IFT88: variants seen among roughly 807,000 people sequenced by gnomAD.
IFT88 encodes the protein intraflagellar transport protein 88 homolog.
In IFT88, 74 loss-of-function variants were observed where a neutral mutation model predicts 119.5. The ratio of observed to expected loss-of-function variants is 0.62; its 90% confidence interval spans 0.51 to 0.75. The LOEUF (loss-of-function observed/expected upper bound fraction) is 0.75, where lower values mean the gene tolerates loss of function less well. Ranked by LOEUF, IFT88 falls within the 30% of genes least tolerant of loss-of-function variation. IFT88 has a pLI of 0.00. For missense variants in IFT88, 961 were observed against 977.7 expected (o/e 0.98, Z 0.23); for synonymous variants, 279 against 316.7 (o/e 0.88, Z 1.26).
chr13:20,662,419 T>C lies in IFT88; in HGVS notation c.2069-1079T>C, dbSNP rs142304131. The stretch of plus-strand genomic sequence containing the variant: ...TTCCTTCTGAAACTATTCCAGTCAA[T>C]AGAAAAAGAGGGAATACTCCCTAAC... On this transcript the variant is annotated intron_variant, in intron 22 of 25. Coordinates refer to ENST00000351808, the MANE Select transcript of IFT88 (RefSeq NM_006531.5). Among the ~76,000 whole-genome samples, 702 of 152,074 alleles carry C rather than the reference T, an allele frequency of 4.6e-3. 4 individuals carry two copies. Among genetic ancestry groups the C allele is most frequent in the South Asian group, 0.013 (61 of 4,830 alleles).
At chr13:20,569,913 C>T (rs959524507) in intron 1 of IFT88, among the ~76,000 whole-genome samples, 4 of 151,536 alleles carry the variant, frequency 2.6e-5, no homozygotes, top group East Asian at 3.9e-4. Flanking sequence ...GGCTTGGTGG[C>T]GGGTGCCTGT....
intron 2 of IFT88, among the ~76,000 whole-genome samples, chr13:20,581,742 CCTAGGGAGACTGAGGTGGGA>C (rs2038701771): frequency 6.6e-6 from 1 of 151,464 alleles, no homozygotes; most frequent in Non-Finnish European, 1.5e-5. Flanking sequence ...AGTCCCAGCT[CCTAGGGAGACTGAGGTGGGA>C]CAATCACCTG....
At chr13:20,575,872 T>C (rs919305930) in intron 2 of IFT88, among the ~76,000 whole-genome samples, 24 of 152,348 alleles carry the variant, frequency 1.6e-4, no homozygotes, top group African/African-American at 5.5e-4. Flanking sequence ...TCTTTTCGTT[T>C]GAGTATATTC....
At chr13:20,657,963 T>G (rs1362024762) in intron 22 of IFT88, among the ~76,000 whole-genome samples, 1 of 152,182 alleles carries the variant, frequency 6.6e-6, no homozygotes, top group Non-Finnish European at 1.5e-5. Context: ...AGCAGTTAGC[T>G]CAGTTATGGT....
chr13:20,646,324 A>G (rs568587695), intron 20 of IFT88, among the ~76,000 whole-genome samples: 1 of 146,260 alleles, frequency 6.8e-6, no homozygotes, highest in African/African-American at 2.6e-5. Context: ...GAGACAGAGG[A>G]CGGAGTCTTG....
In IFT88 at chr13:20,606,914, T is replaced by G. The variant is rs182821250; in HGVS notation, c.1112+1809T>G. On this transcript the variant is annotated intron_variant, in intron 13 of 25. Coordinates refer to ENST00000351808, the MANE Select transcript of IFT88 (RefSeq NM_006531.5). ...AAATAAATAAATAAATAAAATAGTG[T>G]GAATAGCCCTATAAATCTTAAGGAC... Among the ~76,000 whole-genome samples the G allele has an allele frequency of 1.1e-4, 16 of 152,118 alleles. No homozygotes were observed. In the East Asian group the frequency reaches 3.1e-3, roughly 29 times the overall value.
rs184997195 is a variant in IFT88 at position 20,582,402 on chromosome 13, C to G, written c.91-555C>G. Among the ~76,000 whole-genome samples the G allele has an allele frequency of 4.6e-5, 7 of 152,024 alleles. No homozygotes were observed. The East Asian group carries it at 7.7e-4, about 17-fold the overall frequency. The stretch of plus-strand genomic sequence containing the variant: ...GCAGTGCAGGTTGGACTTGTTGAGC[C>G]CCCCCATTTGCTTAGATTAGCTCCA... On this transcript the variant is annotated intron_variant, in intron 2 of 25. Transcript: ENST00000351808.
At chr13:20,685,724 A>G (rs552921888) in intron 24 of IFT88, among the ~76,000 whole-genome samples, 7 of 152,202 alleles carry the variant, frequency 4.6e-5, no homozygotes, top group African/African-American at 1.7e-4. Flanking sequence ...TACTAAAAAT[A>G]CAGAAATTAA....
At chr13:20,577,980 G>A (rs1232157212) in intron 2 of IFT88, among the ~76,000 whole-genome samples, 11 of 150,924 alleles carry the variant, frequency 7.3e-5, no homozygotes, top group Non-Finnish European at 4.4e-5. Flanking sequence ...GCCATCAGGT[G>A]CCGAGCTTTT....
At chr13:20,631,409 T>C (rs139987574) in intron 16 of IFT88, 115 of 245,350 alleles carry the variant, frequency 4.7e-4, no homozygotes, top group African/African-American at 2.5e-3. Flanking sequence ...GTGTTATTGG[T>C]AAAGAAAGTG....
In IFT88 at chr13:20,597,012, C is replaced by T. The variant is rs768930852; in HGVS notation, c.490-3C>T. On this transcript the variant is annotated splice_region_variant and splice_polypyrimidine_tract_variant and intron_variant, in intron 8 of 25. Coordinates refer to ENST00000351808, the MANE Select transcript of IFT88 (RefSeq NM_006531.5). The stretch of plus-strand genomic sequence containing the variant: ...AAGTTACAAGGTATAAATCTGATTT[C>T]AGGCCTTAGAAAAGGCAAAAGATGC... 1.9e-6 allele frequency: 3 copies of T among 1,566,984 alleles called. No homozygotes were observed. Among genetic ancestry groups the T allele is most frequent in the South Asian group, 2.3e-5 (2 of 86,166 alleles).
intron 24 of IFT88, among the ~76,000 whole-genome samples, chr13:20,690,203 T>G (rs1166953873): frequency 6.6e-6 from 1 of 152,176 alleles, no homozygotes; most frequent in Non-Finnish European, 1.5e-5. Flanking sequence ...AGAAAAAATA[T>G]CACTCTAGGA....
At chr13:20,628,395 G>A (rs1794586166) in intron 15 of IFT88, among the ~76,000 whole-genome samples, 1 of 152,208 alleles carries the variant, frequency 6.6e-6, no homozygotes, top group Non-Finnish European at 1.5e-5. Flanking sequence ...GCTGGGAAAG[G>A]AGACCAGGAC....
intron 24 of IFT88, among the ~76,000 whole-genome samples, chr13:20,685,433 CA>C (rs2057804859): frequency 6.6e-6 from 1 of 152,154 alleles, no homozygotes; most frequent in Non-Finnish European, 1.5e-5. Flanking sequence ...ATAAAATTAG[CA>C]ATGAATTTTT....
Position 20,691,260 on chromosome 13 carries a change from T to C in IFT88, c.*85T>C. 3 of 1,256,156 alleles carry C rather than the reference T, an allele frequency of 2.4e-6. 1 individual carries two copies. In the South Asian group the frequency reaches 4.9e-5, roughly 20 times the overall value. 77.8% of individuals were successfully genotyped at this position (1,256,156 alleles called of 1,614,324 possible). A position where few individuals can be genotyped will look rare whatever the true frequency, so the allele number is the denominator to read the frequency against. On this transcript the variant is annotated 3_prime_UTR_variant, in exon 26 of 26. Coordinates refer to ENST00000351808, the MANE Select transcript of IFT88 (RefSeq NM_006531.5). Reference sequence around the variant, plus strand: ...AACCTTGGATTAAATATCTAACCTGTAATTATTTTTTTTCACTGTCAAAAC... The same window carrying C: ...AACCTTGGATTAAATATCTAACCTGCAATTATTTTTTTTCACTGTCAAAAC...
At chr13:20,630,041 T>C (rs1227518003) in intron 15 of IFT88, among the ~76,000 whole-genome samples, 1 of 152,224 alleles carries the variant, frequency 6.6e-6, no homozygotes, top group East Asian at 1.9e-4. Flanking sequence ...TCATTTCTCA[T>C]GATTTAAAAA....
chr13:20,660,162 A>G (rs936582554), intron 22 of IFT88, among the ~76,000 whole-genome samples: 1 of 152,200 alleles, frequency 6.6e-6, no homozygotes, highest in Non-Finnish European at 1.5e-5. Context: ...GAGCTAGAGA[A>G]TGTGGGAGGG....
Position 20,648,329 on chromosome 13 carries a change from G to A in IFT88, c.1949+3371G>A, listed in dbSNP as rs186258368. On this transcript the variant is annotated intron_variant, in intron 20 of 25. Transcript: ENST00000351808. ...GAGAATCGCTTGAACCCGGGAGGCG[G>A]AGGTTGCAGTGAGCAGAGATCGCAC... 8.5e-5 allele frequency among the ~76,000 whole-genome samples: 13 copies of A among 152,314 alleles called. No individual in the cohort carries two copies. The East Asian group carries it at 2.3e-3, about 27-fold the overall frequency.
intron 7 of IFT88, among the ~76,000 whole-genome samples, chr13:20,594,923 T>G (rs2041373033): frequency 6.6e-6 from 1 of 152,248 alleles, no homozygotes; most frequent in African/African-American, 2.4e-5. Flanking sequence ...TACTATCTAT[T>G]CTGATATAGC....
Sources: gnomAD v4.1 joint callset for allele counts (sites outside exome capture counted in the v4.1 genomes callset) on GRCh38, gnomAD v4.1.1 for gene constraint, MANE v1.5 for transcripts, NCBI Gene and HGNC (gene_info 2026-07-23, HGNC 2026-07-21) for gene names.